Variants in FREM2 observed in about 807,000 individuals in gnomAD.
FREM2 encodes the protein FRAS1-related extracellular matrix protein 2.
Under a neutral mutation model 219.9 loss-of-function variants are expected in FREM2, and 119 were observed. The observed-to-expected ratio is 0.54, with a 90% CI of 0.47 to 0.63. FREM2 has a LOEUF of 0.63. FREM2 is among the 30% of genes least tolerant of loss of function. FREM2 has a pLI of 0.00. For missense variants in FREM2, 4,030 were observed against 3,993.6 expected, an observed-to-expected ratio of 1.01 and a Z score of -0.25; for synonymous variants, 1,562 against 1,522.8, an observed-to-expected ratio of 1.03 and a Z score of -0.60.
chr13:38,688,671 C>A lies in FREM2; in HGVS notation c.1327C>A (p.Arg443=), dbSNP rs774024998. The change falls in exon 1 of 24, where the codon CGG becomes AGG. Residue 443 remains arginine, a synonymous_variant. Coordinates refer to ENST00000280481, the MANE Select transcript of FREM2 (RefSeq NM_207361.6). ...GAACACAATGGCTCCGGTGGTCACC[C>A]GGAATACCGGTCTTATTCTCTATGA... ...PMNTMAPVVT[R]NTGLILYEGQ... is the part of the protein sequence containing the mutation. The A allele has an allele frequency of 6.2e-7, 1 of 1,614,076 alleles. No individual in the cohort carries two copies. Among genetic ancestry groups the A allele is most frequent in the Non-Finnish European group, 8.5e-7 (1 of 1,180,010 alleles).
intron 11 of FREM2, 55 bp from the exon 12 acceptor site, chr13:38,856,071 A>G (rs1877545285): frequency 1.5e-6 from 2 of 1,314,640 alleles, no homozygotes; most frequent in African/African-American, 1.5e-5. Context: ...AAAAAAATAG[A>G]AAACTTCTCA....
intron 9 of FREM2, 101 bp downstream of exon 9, chr13:38,850,336 A>G: frequency 6.4e-6 from 6 of 934,942 alleles, no homozygotes; most frequent in South Asian, 1.4e-5. Flanking sequence ...ATCAACAAGC[A>G]TATGGCATGG....
chr13:38,733,985 TAAAC>T (rs1310617005), intron 2 of FREM2, among the ~76,000 whole-genome samples: 2 of 152,150 alleles, frequency 1.3e-5, no homozygotes, highest in Admixed American at 1.3e-4. Context: ...ATAGTTCACT[TAAAC>T]AAATATTTAG....
At chr13:38,802,520 G>A (rs1189075002) in intron 6 of FREM2, among the ~76,000 whole-genome samples, 2 of 152,116 alleles carry the variant, frequency 1.3e-5, no homozygotes, top group African/African-American at 4.8e-5. Flanking sequence ...AGGTAGCTGT[G>A]GGGAGTGCAG....
chr13:38,734,313 C>T (rs1376152150), intron 2 of FREM2, among the ~76,000 whole-genome samples: 2 of 152,180 alleles, frequency 1.3e-5, no homozygotes, highest in Admixed American at 6.5e-5. Context: ...TTGAGCCTGG[C>T]TGGAGGCATA....
rs745927646 is a variant in FREM2, at chr13:38,690,104, C to G, written c.2760C>G (p.Asp920Glu). Residue 920 changes from aspartate to glutamate, a missense_variant, in exon 1 of 24, where the codon GAC (aspartate) becomes GAG (glutamate). Asp to Glu is a conservative substitution (Grantham distance 45, BLOSUM62 2). Transcript: ENST00000280481. ...LTDSCSLEVS[D>E]RHHVVPITLR... ...ATAGCTGCTCCTTGGAAGTCAGTGA[C>G]AGACATCATGTGGTGCCCATCACTC... is the stretch of plus-strand genomic sequence containing the variant. The G allele has an allele frequency of 1.9e-6, 3 of 1,614,152 alleles. No homozygotes were observed. The highest frequency in any genetic ancestry group is 2.5e-6 in the Non-Finnish European group (3 of 1,180,024).
At chr13:38,852,925 C>G (rs1877425387) in intron 11 of FREM2, among the ~76,000 whole-genome samples, 1 of 151,872 alleles carries the variant, frequency 6.6e-6, no homozygotes, top group South Asian at 2.1e-4. Flanking sequence ...AGGCTGGCCT[C>G]AAACTCCTAG....
chr13:38,803,427 T>C lies in FREM2; in HGVS notation c.6019+18619T>C, dbSNP rs561136151. Among the ~76,000 whole-genome samples, 4 of 152,224 alleles carry C rather than the reference T, an allele frequency of 2.6e-5. No individual in the cohort carries two copies. In the South Asian group the frequency reaches 8.3e-4, roughly 32 times the overall value. ...CGTCTTTAAGACACGGCTAAAATTT[T>C]TGTACTGCAGCATGTTTACACACAA... On this transcript the variant is annotated intron_variant, in intron 6 of 23. Coordinates refer to ENST00000280481, the MANE Select transcript of FREM2 (RefSeq NM_207361.6).
At chr13:38,779,326 A>G (rs1874015525) in intron 4 of FREM2, 1 of 152,098 alleles carries the variant, frequency 6.6e-6, no homozygotes, top group Admixed American at 6.6e-5. Context: ...GCAAACCACC[A>G]TCGCCCATGT....
chr13:38,825,448 CAT>C (rs2137882048), intron 6 of FREM2, among the ~76,000 whole-genome samples: 1 of 152,084 alleles, frequency 6.6e-6, no homozygotes, highest in Admixed American at 6.6e-5. Flanking sequence ...AAAAAACCCA[CAT>C]GTAGTATATT....
intron 7 of FREM2, among the ~76,000 whole-genome samples, chr13:38,847,558 G>A (rs1236270897): frequency 1.3e-5 from 2 of 151,458 alleles, no homozygotes; most frequent in Admixed American, 6.6e-5. Flanking sequence ...ATGAGGGGAG[G>A]GAGAGAGAGA....
In FREM2 at chr13:38,690,827, C is replaced by T; in HGVS notation, c.3483C>T (p.Asp1161=). 6.2e-7 allele frequency: 1 copy of T among 1,614,048 alleles called. No individual in the cohort carries two copies. Among genetic ancestry groups the T allele is most frequent in the East Asian group, 2.2e-5 (1 of 44,870 alleles). Residue 1161 remains aspartate, a synonymous_variant, in exon 1 of 24, where the codon GAC becomes GAT. Coordinates refer to ENST00000280481, the MANE Select transcript of FREM2 (RefSeq NM_207361.6). ...SVHKGVEPVE[D]RFVFRCSDGI... is the part of the protein sequence containing the mutation. ...ATAAAGGGGTGGAACCTGTGGAGGA[C>T]CGATTTGTATTTCGTTGTTCTGATG...
intron 14 of FREM2, among the ~76,000 whole-genome samples, chr13:38,860,492 A>G (rs1877721884): frequency 6.6e-6 from 1 of 152,242 alleles, no homozygotes; most frequent in South Asian, 2.1e-4. Context: ...TTTACTGCAT[A>G]GAGGTCATAT....
chr13:38,851,763 A>C lies in FREM2; in HGVS notation c.6820A>C (p.Ile2274Leu). 1.2e-6 allele frequency: 2 copies of C among 1,613,780 alleles called. No individual in the cohort carries two copies. The highest frequency in any genetic ancestry group is 1.7e-6 in the Non-Finnish European group (2 of 1,179,728). ...KEPGESVVIRIPVIRQGDTSK... is the reference protein window; with the variant it reads ...KEPGESVVIRLPVIRQGDTSK... ...ACCTGGAGAGTCGGTGGTTATAAGA[A>C]TTCCAGTGATTCGCCAAGGAGACAC... The change falls in exon 11 of 24, where the codon ATT becomes CTT. Residue 2274 changes from isoleucine (I) to leucine (L), a missense_variant. Physicochemically the swap from Ile to Leu is conservative, Grantham distance 5 (BLOSUM62 2). This residue lies in a region of FREM2 where 3,102 missense variants were observed against 2,950.7 expected (regional missense o/e 1.05). Coordinates refer to ENST00000280481, the MANE Select transcript of FREM2 (RefSeq NM_207361.6).
intron 8 of FREM2, 120 bp from the exon 9 acceptor site, chr13:38,849,918 T>C: frequency 1.2e-6 from 1 of 814,732 alleles, no homozygotes; most frequent in Non-Finnish European, 2.1e-6. Flanking sequence ...AGTGACTGAA[T>C]GGAGACAGAA....
chr13:38,717,245 T>A (rs961560233), intron 2 of FREM2, among the ~76,000 whole-genome samples: 13 of 151,980 alleles, frequency 8.6e-5, no homozygotes, highest in African/African-American at 3.1e-4. Context: ...CTGGGATGAA[T>A]GAGTTCCTAG....
chr13:38,868,059 T>C (rs978238339), intron 16 of FREM2, among the ~76,000 whole-genome samples: 7 of 152,244 alleles, frequency 4.6e-5, no homozygotes, highest in African/African-American at 1.7e-4. Context: ...TTCTTCTACC[T>C]TCTTCACTGA....
chr13:38,810,412 G>A (rs1393627137), intron 6 of FREM2, among the ~76,000 whole-genome samples: 1 of 151,842 alleles, frequency 6.6e-6, no homozygotes, highest in African/African-American at 2.4e-5. Context: ...TCAGAGAAAG[G>A]GCTTTCAGGT....
At chr13:38,748,123 T>TA (rs1221442539) in intron 2 of FREM2, among the ~76,000 whole-genome samples, 5 of 151,878 alleles carry the variant, frequency 3.3e-5, no homozygotes, top group African/African-American at 1.2e-4. Flanking sequence ...TTTGACTAAT[T>TA]AAAAAAAAGG....
Sources: gnomAD v4.1 joint callset for allele counts (sites outside exome capture counted in the v4.1 genomes callset) on GRCh38, gnomAD v4.1.1 for gene constraint, gnomAD v4.1.1 regional missense constraint, MANE v1.5 for transcripts, NCBI Gene and HGNC (gene_info 2026-07-23, HGNC 2026-07-21) for gene names.